PDE4D: variants seen among roughly 807,000 people sequenced by gnomAD.
PDE4D encodes 3',5'-cyclic-AMP phosphodiesterase 4D.
Under a neutral mutation model 87.4 loss-of-function variants are expected in PDE4D, and 24 were observed. The observed-to-expected ratio is 0.27, with a 90% CI of 0.20 to 0.39. The LOEUF is 0.39. Among genes scored for constraint, PDE4D ranks in the 10% least tolerant of loss-of-function variants. The pLI is 1.00. For synonymous variants in PDE4D, 384 were observed against 383.2 expected (o/e 1.00, Z -0.02); for missense variants, 714 against 1,041.0 (o/e 0.69, Z 4.32).
chr5:60,281,466 C>T lies in PDE4D; in HGVS notation c.-89-95779G>A, dbSNP rs535060921. Among the ~76,000 whole-genome samples the T allele has an allele frequency of 3.9e-5, 6 of 152,264 alleles. No individual in the cohort carries two copies. The East Asian group carries it at 1.2e-3, about 29-fold the overall frequency. On this transcript the variant is annotated intron_variant, in intron 1 of 16. Transcript: ENST00000502484. Reference sequence around the variant, plus strand: ...TGATTCTATATCCACACTACTTTAACTTTATTCCTGTCTCTCCCCACTGTC... The same window carrying T: ...TGATTCTATATCCACACTACTTTAATTTTATTCCTGTCTCTCCCCACTGTC...
In PDE4D at chr5:59,144,894, G is replaced by C. The variant is rs1460206709; in HGVS notation, c.808+35701C>G. Among the ~76,000 whole-genome samples the C allele has an allele frequency of 3.1e-3, 401 of 131,162 alleles. 8 individuals carry two copies. Among genetic ancestry groups the C allele is most frequent in the African/African-American group, 0.012 (372 of 30,956 alleles). The allele number at this position is 131,162 out of a possible 152,430, so 86.0% of individuals were successfully genotyped here. A position where few individuals can be genotyped will look rare whatever the true frequency, so the allele number is the denominator to read the frequency against. On this transcript the variant is annotated intron_variant, in intron 5 of 14. Transcript: ENST00000340635. ...ATTCCCTTTAATAGGGTTTAATGGG[G>C]GGGGGGGGGGGAACCATCCAGAAGC...
intron 1 of PDE4D, among the ~76,000 whole-genome samples, chr5:60,411,885 C>T (rs955595081): frequency 6.6e-6 from 1 of 152,162 alleles, no homozygotes. Flanking sequence ...GACCCAACCA[C>T]CCGCAAAAAA....
intron 1 of PDE4D, among the ~76,000 whole-genome samples, chr5:59,380,802 A>ATTT (rs5868179): frequency 0.073 from 11,020 of 151,310 alleles, 533 homozygotes; most frequent in Middle Eastern, 0.14. Context: ...AGTTTACTTA[A>ATTT]TTTTTTTTTT....
chr5:60,089,184 C>T (rs1173601505), intron 2 of PDE4D, among the ~76,000 whole-genome samples: 2 of 152,002 alleles, frequency 1.3e-5, no homozygotes, highest in Non-Finnish European at 2.9e-5. Flanking sequence ...TACTCTAGAT[C>T]AAATTGACCT....
chr5:60,354,869 A>G (rs1484658220), intron 1 of PDE4D, among the ~76,000 whole-genome samples: 1 of 152,174 alleles, frequency 6.6e-6, no homozygotes, highest in Non-Finnish European at 1.5e-5. Flanking sequence ...AGAAAACAAC[A>G]ATTTGACTAC....
chr5:59,542,723 A>T (rs1816576382), intron 1 of PDE4D, among the ~76,000 whole-genome samples: 1 of 152,198 alleles, frequency 6.6e-6, no homozygotes, highest in South Asian at 2.1e-4. Context: ...AGAAAAACAT[A>T]TAATCAATTC....
intron 1 of PDE4D, among the ~76,000 whole-genome samples, chr5:59,266,912 C>T (rs750515917): frequency 6.9e-4 from 105 of 152,040 alleles, no homozygotes; most frequent in Non-Finnish European, 4.6e-4. Flanking sequence ...GATTTTTCTG[C>T]AGCACTGTAA....
At chr5:59,037,875 T>A (rs982751810) in intron 6 of PDE4D, among the ~76,000 whole-genome samples, 1 of 151,648 alleles carries the variant, frequency 6.6e-6, no homozygotes, top group Non-Finnish European at 1.5e-5. Flanking sequence ...TATGTGCACA[T>A]AGATGAACTG....
At chr5:59,216,194 G>C (rs568910210) in intron 1 of PDE4D, among the ~76,000 whole-genome samples, 2 of 152,294 alleles carry the variant, frequency 1.3e-5, no homozygotes, top group African/African-American at 4.8e-5. Flanking sequence ...CCAGATACAA[G>C]ATACAGGTTT....
At chr5:59,429,316 G>A (rs1243949215) in intron 1 of PDE4D, among the ~76,000 whole-genome samples, 1 of 152,120 alleles carries the variant, frequency 6.6e-6, no homozygotes, top group African/African-American at 2.4e-5. Flanking sequence ...AAGTCAAATA[G>A]TGATAGAGCT....
intron 1 of PDE4D, among the ~76,000 whole-genome samples, chr5:59,809,967 A>G (rs1428382843): frequency 6.6e-6 from 1 of 152,256 alleles, no homozygotes; most frequent in African/African-American, 2.4e-5. Context: ...TATTGAATAA[A>G]AAATGTATAC....
At chr5:60,184,562 G>A (rs1449463272) in intron 2 of PDE4D, among the ~76,000 whole-genome samples, 2 of 152,116 alleles carry the variant, frequency 1.3e-5, no homozygotes, top group Non-Finnish European at 2.9e-5. Context: ...ATTAAACACG[G>A]TATTCAGTCA....
At chr5:59,520,445 T>C (rs1450512814) in intron 1 of PDE4D, among the ~76,000 whole-genome samples, 1 of 152,028 alleles carries the variant, frequency 6.6e-6, no homozygotes, top group African/African-American at 2.4e-5. Flanking sequence ...AGTGGAATAA[T>C]GAAAGGCACA....
intron 1 of PDE4D, among the ~76,000 whole-genome samples, chr5:60,368,154 A>G (rs1760713172): frequency 6.6e-6 from 1 of 152,168 alleles, no homozygotes; most frequent in Non-Finnish European, 1.5e-5. Flanking sequence ...TAAAATAACA[A>G]CGATAAGTTT....
intron 1 of PDE4D, among the ~76,000 whole-genome samples, chr5:59,220,703 T>G (rs1210180517): frequency 6.6e-6 from 1 of 151,958 alleles, no homozygotes; most frequent in African/African-American, 2.4e-5. Flanking sequence ...ATTTTATCAA[T>G]AGTCCACATC....
chr5:60,355,229 G>T (rs1325920585), intron 1 of PDE4D, among the ~76,000 whole-genome samples: 1 of 152,176 alleles, frequency 6.6e-6, no homozygotes, highest in African/African-American at 2.4e-5. Context: ...GAAGGTCACT[G>T]TGACCTTTGG....
chr5:60,149,574 T>C (rs1279311291), intron 2 of PDE4D, among the ~76,000 whole-genome samples: 1 of 152,118 alleles, frequency 6.6e-6, no homozygotes, highest in South Asian at 2.1e-4. Context: ...TGAGTTATTA[T>C]CTTTCTTTTC....
intron 3 of PDE4D, among the ~76,000 whole-genome samples, chr5:59,933,508 C>T (rs1431947848): frequency 2.6e-5 from 4 of 152,158 alleles, no homozygotes; most frequent in Non-Finnish European, 5.9e-5. Flanking sequence ...GAGAGCAGGG[C>T]TCCTACTATG....
intron 5 of PDE4D, among the ~76,000 whole-genome samples, chr5:59,084,510 A>C (rs1013080097): frequency 7.7e-6 from 1 of 129,642 alleles, no homozygotes; most frequent in Non-Finnish European, 1.6e-5. Context: ...AAAAGTAAAA[A>C]TAGAAATGAA....
Sources: allele counts gnomAD v4.1 joint callset (sites outside exome capture counted in the v4.1 genomes callset), GRCh38; gene constraint gnomAD v4.1.1; transcripts MANE v1.5; gene names NCBI Gene and HGNC (gene_info 2026-07-23, HGNC 2026-07-21).